DPYSL3: variants seen among roughly 807,000 people sequenced by gnomAD.
DPYSL3 encodes the protein dihydropyrimidinase-related protein 3.
A neutral mutation model predicts 66.1 loss-of-function variants in DPYSL3; 16 were observed. The ratio of observed to expected loss-of-function variants is 0.24; its 90% CI spans 0.16 to 0.37. DPYSL3 has a LOEUF of 0.37. Ranked by LOEUF, DPYSL3 falls within the 10% of genes least tolerant of loss-of-function variation. The pLI is 1.00. For synonymous variants in DPYSL3, 338 were observed against 345.1 expected (o/e 0.98, Z 0.23); for missense variants, 738 against 916.2 (o/e 0.81, Z 2.51).
At chr5:147,460,119 A>G (rs1324980643) in intron 1 of DPYSL3, among the ~76,000 whole-genome samples, 4 of 152,098 alleles carry the variant, frequency 2.6e-5, no homozygotes, top group Admixed American at 2.6e-4. Flanking sequence ...TCAGAAAAAA[A>G]AAAAAGATGA....
chr5:147,450,573 C>T (rs1374755901), intron 1 of DPYSL3, among the ~76,000 whole-genome samples: 2 of 152,146 alleles, frequency 1.3e-5, no homozygotes, highest in East Asian at 3.9e-4. Context: ...AAGGTAGCTA[C>T]TCCGAGCCAA....
chr5:147,442,973 A>C (rs1285809630), intron 1 of DPYSL3, among the ~76,000 whole-genome samples: 1 of 152,154 alleles, frequency 6.6e-6, no homozygotes, highest in Non-Finnish European at 1.5e-5. Flanking sequence ...CAGCATACTT[A>C]TTTTGTAATG....
chr5:147,396,055 A>T (rs1301061573), intron 12 of DPYSL3, among the ~76,000 whole-genome samples: 2 of 152,094 alleles, frequency 1.3e-5, no homozygotes, highest in African/African-American at 4.8e-5. Flanking sequence ...AGCAAAGAGA[A>T]GAGCAAGGGC....
intron 2 of DPYSL3, 40 bp downstream of exon 2, chr5:147,424,835 G>A: frequency 7.0e-7 from 1 of 1,419,664 alleles, no homozygotes; most frequent in Non-Finnish European, 9.8e-7. Flanking sequence ...AATGAAGGAG[G>A]AAGTGCAAAA....
intron 1 of DPYSL3, among the ~76,000 whole-genome samples, chr5:147,480,945 T>C (rs1753230087): frequency 6.6e-6 from 1 of 151,986 alleles, no homozygotes; most frequent in African/African-American, 2.4e-5. Context: ...TGGTCTCAAA[T>C]TCTCGACCTC....
intron 10 of DPYSL3, 93 bp downstream of exon 10, chr5:147,400,599 G>C: frequency 2.7e-6 from 4 of 1,500,544 alleles, no homozygotes; most frequent in East Asian, 4.6e-5. Context: ...ATCTGCACTC[G>C]CAGTGTCACC....
rs560481794 is a variant in DPYSL3 at position 147,463,139 on chromosome 5, C to T, written c.382-38176G>A. On this transcript the variant is annotated intron_variant, in intron 1 of 13. Transcript: ENST00000343218. ...GTCTAGTCTCCCATGTCATCCACTACTTTTGCTCCAGCACCTTTCTGTTAG... is the reference window on the plus strand; with the variant it reads ...GTCTAGTCTCCCATGTCATCCACTATTTTTGCTCCAGCACCTTTCTGTTAG... Among the ~76,000 whole-genome samples, 8 of 152,256 alleles carry T rather than the reference C, an allele frequency of 5.3e-5. No individual in the cohort carries two copies. The East Asian group carries it at 1.5e-3, about 29-fold the overall frequency.
chr5:147,495,718 A>C (rs1054466627), intron 1 of DPYSL3, among the ~76,000 whole-genome samples: 5 of 152,220 alleles, frequency 3.3e-5, no homozygotes, highest in African/African-American at 1.2e-4. Flanking sequence ...TTCAAGGAGA[A>C]CTACAAACCA....
chr5:147,471,838 G>T (rs1581209764), intron 1 of DPYSL3, among the ~76,000 whole-genome samples: 2 of 152,118 alleles, frequency 1.3e-5, no homozygotes, highest in East Asian at 3.9e-4. Context: ...AAATTTTGCA[G>T]AAGTTATCCT....
Position 147,467,969 on chromosome 5 carries a change from G to T in DPYSL3, c.381+41509C>A, listed in dbSNP as rs141854608. 4.8e-3 allele frequency among the ~76,000 whole-genome samples: 728 copies of T among 152,222 alleles called. 11 individuals are homozygous for T. The highest frequency in any genetic ancestry group is 0.016 in the African/African-American group (680 of 41,532). On this transcript the variant is annotated intron_variant, in intron 1 of 13. Coordinates refer to ENST00000343218, the MANE Select transcript of DPYSL3 (RefSeq NM_001197294.2). ...AACTTCTTTTATAAGGGCACTAACT[G>T]CATTCGTGAGGGCAGAGCCTTATTG...
intron 1 of DPYSL3, among the ~76,000 whole-genome samples, chr5:147,468,990 C>A (rs73794766): frequency 6.6e-6 from 1 of 152,094 alleles, no homozygotes; most frequent in Admixed American, 6.6e-5. Flanking sequence ...ATACAATGTA[C>A]GCTATTTTCC....
intron 9 of DPYSL3, among the ~76,000 whole-genome samples, 182 bp from the exon 10 acceptor site, chr5:147,401,015 C>A (rs1758159613): frequency 6.6e-6 from 1 of 152,068 alleles, no homozygotes; most frequent in East Asian, 1.9e-4. Context: ...GCTCAGTTAC[C>A]CCATCTAGAA....
chr5:147,405,038 T>C (rs561128148), intron 8 of DPYSL3, among the ~76,000 whole-genome samples: 2 of 152,168 alleles, frequency 1.3e-5, no homozygotes, highest in Non-Finnish European at 2.9e-5. Context: ...TTTCCCATCA[T>C]GCTCTCTGCC....
At chr5:147,477,537 A>G (rs1753171308) in intron 1 of DPYSL3, among the ~76,000 whole-genome samples, 2 of 146,738 alleles carry the variant, frequency 1.4e-5, no homozygotes, top group South Asian at 4.5e-4. Context: ...GAGTGCAGAG[A>G]AGGAAAAATA....
chr5:147,398,775 G>A (rs1012096453), intron 11 of DPYSL3, among the ~76,000 whole-genome samples: 1 of 152,174 alleles, frequency 6.6e-6, no homozygotes, highest in African/African-American at 2.4e-5. Context: ...TCTAGGGGAA[G>A]CTTTCAGAGC....
At chr5:147,501,084 A>G (rs908946166) in intron 1 of DPYSL3, among the ~76,000 whole-genome samples, 2 of 149,518 alleles carry the variant, frequency 1.3e-5, no homozygotes, top group African/African-American at 4.9e-5. Flanking sequence ...ATCCTTCAGT[A>G]GGTAAGTGAA....
chr5:147,493,817 G>A (rs1196578947), intron 1 of DPYSL3, among the ~76,000 whole-genome samples: 1 of 152,172 alleles, frequency 6.6e-6, no homozygotes, highest in Non-Finnish European at 1.5e-5. Flanking sequence ...AATCATGCAA[G>A]CTGCTCTTGG....
chr5:147,440,968 A>G (rs911326792), intron 1 of DPYSL3, among the ~76,000 whole-genome samples: 1 of 152,184 alleles, frequency 6.6e-6, no homozygotes, highest in African/African-American at 2.4e-5. Flanking sequence ...CCCCATTTGT[A>G]AAGTGGGTTA....
Position 147,399,181 on chromosome 5 carries a change from C to T in DPYSL3, c.1524G>A (p.Leu508=), listed in dbSNP as rs762521696. 8.7e-6 allele frequency: 14 copies of T among 1,614,108 alleles called. No individual in the cohort carries two copies. In the East Asian group the frequency reaches 2.7e-4, roughly 31 times the overall value. Residue 508 remains leucine, a synonymous_variant, in exon 11 of 14, where the codon CTG becomes CTA. Coordinates refer to ENST00000343218, the MANE Select transcript of DPYSL3 (RefSeq NM_001197294.2). ...CAGATATTCTTCCCTTGCGGGGATA[C>T]AGGTTGAAGATCTTGGCAGCGTTTG... ...TSTNAAKIFN[L]YPRKGRISVG...
Sources: gnomAD v4.1 joint callset for allele counts (sites outside exome capture counted in the v4.1 genomes callset) on GRCh38, gnomAD v4.1.1 for gene constraint, MANE v1.5 for transcripts, NCBI Gene and HGNC (gene_info 2026-07-23, HGNC 2026-07-21) for gene names.